Variants in TMEM131 observed in about 807,000 individuals in gnomAD.
TMEM131 encodes the protein transmembrane protein 131.
Under a neutral mutation model 211.6 loss-of-function variants are expected in TMEM131, and 66 were observed. The ratio of observed to expected loss-of-function variants is 0.31; its 90% CI spans 0.26 to 0.38. The LOEUF (loss-of-function observed/expected upper bound fraction) is 0.38, where lower values mean the gene tolerates loss of function less well. Ranked by LOEUF, TMEM131 falls within the 10% of genes least tolerant of loss-of-function variation. TMEM131 has a pLI of 1.00. For synonymous variants in TMEM131, 844 were observed against 841.3 expected (o/e 1.00, Z -0.06); for missense variants, 2,036 against 2,299.3 (o/e 0.89, Z 2.34).
chr2:97,981,100 A>G (rs1430624722), intron 1 of TMEM131, among the ~76,000 whole-genome samples: 1 of 148,860 alleles, frequency 6.7e-6, no homozygotes, highest in African/African-American at 2.5e-5. Flanking sequence ...CTATCCACAC[A>G]CATACACTCT....
chr2:97,946,109 T>C (rs530160076), intron 1 of TMEM131, among the ~76,000 whole-genome samples: 4 of 152,238 alleles, frequency 2.6e-5, no homozygotes, highest in East Asian at 3.9e-4. Context: ...TTATCTTGCA[T>C]TACATCTTGT....
chr2:97,941,602 G>T (rs558633833), intron 1 of TMEM131, among the ~76,000 whole-genome samples: 12 of 152,102 alleles, frequency 7.9e-5, no homozygotes, highest in South Asian at 6.2e-4. Flanking sequence ...ATCCAGAATC[G>T]ACAAAGAACT....
chr2:97,892,244 TTC>T (rs1675406286), intron 3 of TMEM131, among the ~76,000 whole-genome samples: 1 of 152,180 alleles, frequency 6.6e-6, no homozygotes, highest in Non-Finnish European at 1.5e-5. Context: ...GTTGTAAGAG[TTC>T]TCTGTTACGT....
intron 3 of TMEM131, among the ~76,000 whole-genome samples, chr2:97,891,407 A>G (rs1427237775): frequency 6.6e-6 from 1 of 152,206 alleles, no homozygotes; most frequent in Non-Finnish European, 1.5e-5. Flanking sequence ...ATTTCAAAGC[A>G]ACAAAATCTG....
chr2:97,870,840 C>T (rs1674462637), intron 4 of TMEM131, among the ~76,000 whole-genome samples: 1 of 152,188 alleles, frequency 6.6e-6, no homozygotes, highest in African/African-American at 2.4e-5. Flanking sequence ...ATCCTCCTTT[C>T]AAAAACATTT....
chr2:97,961,985 ACCT>A (rs1332832946), intron 1 of TMEM131, among the ~76,000 whole-genome samples: 1 of 152,166 alleles, frequency 6.6e-6, no homozygotes, highest in African/African-American at 2.4e-5. Context: ...ATTGACTCCC[ACCT>A]CCTACCATAT....
rs547045923 is a variant in TMEM131 at position 97,795,425 on chromosome 2, G to A, written c.3201-310C>T. On this transcript the variant is annotated intron_variant, in intron 28 of 40. Coordinates refer to ENST00000186436, the MANE Select transcript of TMEM131 (RefSeq NM_015348.2). ...TTCTTTCTTCTTTATCTAAATCCAT[G>A]CTCTTTTCCCAGGCTACAATCCCAA... is the stretch of plus-strand genomic sequence containing the variant. Among the ~76,000 whole-genome samples, 262 of 152,046 alleles carry A rather than the reference G, an allele frequency of 1.7e-3. 2 individuals are homozygous for A. Among genetic ancestry groups the A allele is most frequent in the African/African-American group, 6.0e-3 (249 of 41,454 alleles).
chr2:97,943,342 C>G (rs931677621), intron 1 of TMEM131, among the ~76,000 whole-genome samples: 1 of 152,144 alleles, frequency 6.6e-6, no homozygotes, highest in Non-Finnish European at 1.5e-5. Context: ...ATACATAAAT[C>G]AGACACGGTC....
In TMEM131 at chr2:97,812,532, G is replaced by C; in HGVS notation, c.1752C>G (p.Ile584Met). The change falls in exon 17 of 41, where the codon ATC (isoleucine) becomes ATG (methionine). Residue 584 changes from isoleucine (I) to methionine (M), a missense_variant. Ile to Met is a conservative substitution (Grantham distance 10). This residue lies in a region of TMEM131 where 1,623 missense variants were observed against 1,805.9 expected (regional missense o/e 0.90). Transcript: ENST00000186436. Reference protein sequence around the residue: ...PIELAIKSWHIIGDGLSIELV... With the variant: ...PIELAIKSWHMIGDGLSIELV... Reference sequence around the variant, plus strand: ...GTTCTATTGATAAACCGTCTCCTATGATATGCCAACTTTTTATAGCCAACT... The same window carrying C: ...GTTCTATTGATAAACCGTCTCCTATCATATGCCAACTTTTTATAGCCAACT... 6.2e-7 allele frequency: 1 copy of C among 1,606,918 alleles called. No individual in the cohort carries two copies. The highest frequency in any genetic ancestry group is 8.5e-7 in the Non-Finnish European group (1 of 1,177,848).
At chr2:97,973,795 G>A (rs1330248276) in intron 1 of TMEM131, among the ~76,000 whole-genome samples, 1 of 152,232 alleles carries the variant, frequency 6.6e-6, no homozygotes, top group African/African-American at 2.4e-5. Flanking sequence ...TACCTCAGCT[G>A]TGGGGAATAA....
At chr2:97,945,576 C>A (rs1055827021) in intron 1 of TMEM131, among the ~76,000 whole-genome samples, 1 of 152,016 alleles carries the variant, frequency 6.6e-6, no homozygotes, top group African/African-American at 2.4e-5. Context: ...AACCAGAGGA[C>A]AAAATGTAAT....
At chr2:97,947,701 A>G (rs1678108514) in intron 1 of TMEM131, among the ~76,000 whole-genome samples, 2 of 152,158 alleles carry the variant, frequency 1.3e-5, no homozygotes, top group South Asian at 4.1e-4. Flanking sequence ...ATGATTCTAA[A>G]AGTTATACAG....
chr2:97,866,614 T>A (rs576083054), intron 4 of TMEM131, among the ~76,000 whole-genome samples: 1 of 152,362 alleles, frequency 6.6e-6, no homozygotes, highest in African/African-American at 2.4e-5. Context: ...AGTTTCTGAT[T>A]TGAGATATTT....
intron 4 of TMEM131, among the ~76,000 whole-genome samples, chr2:97,867,710 C>T (rs774754597): frequency 4.6e-5 from 7 of 152,124 alleles, no homozygotes; most frequent in Non-Finnish European, 8.8e-5. Context: ...CTGAAATGTG[C>T]CTGAAATAGA....
chr2:97,900,841 C>G (rs192005419), intron 3 of TMEM131, among the ~76,000 whole-genome samples: 2 of 152,164 alleles, frequency 1.3e-5, no homozygotes, highest in East Asian at 3.9e-4. Context: ...CAACAGTGAA[C>G]CAGGGTTCCC....
intron 11 of TMEM131, among the ~76,000 whole-genome samples, chr2:97,824,377 G>A (rs1235361980): frequency 6.6e-6 from 1 of 152,220 alleles, no homozygotes; most frequent in Non-Finnish European, 1.5e-5. Flanking sequence ...GGACACTGGT[G>A]CAGCCTTCTC....
In TMEM131 at chr2:97,861,814, GAGA is replaced by G. The variant is rs538724226; in HGVS notation, c.360-2390_360-2388del. Among the ~76,000 whole-genome samples the G allele has an allele frequency of 3.3e-5, 5 of 152,300 alleles. No homozygotes were observed. The South Asian group carries it at 8.3e-4, about 25-fold the overall frequency. On this transcript the variant is annotated intron_variant, in intron 4 of 40. Transcript: ENST00000186436. ...ACCTGGGGGAACTCACTGTCCTGAA[GAGA>G]AGGACACAAACCTGGCTGGCTTCAC...
chr2:97,948,983 T>C (rs1307145283), intron 1 of TMEM131, among the ~76,000 whole-genome samples: 1 of 152,064 alleles, frequency 6.6e-6, no homozygotes, highest in Admixed American at 6.6e-5. Context: ...GTTGAACACA[T>C]AACCCACCAG....
Position 97,888,136 on chromosome 2 carries a change from A to T in TMEM131, c.291-16T>A. ...GAGAGATATACTGTAAATAAAAAGA[A>T]AACAACATAAGAAGCAATTCTTCAA... is the stretch of plus-strand genomic sequence containing the variant. On this transcript the variant is annotated splice_polypyrimidine_tract_variant and intron_variant, in intron 3 of 40. Transcript: ENST00000186436. The T allele has an allele frequency of 6.2e-7, 1 of 1,603,092 alleles. No individual in the cohort carries two copies. The highest frequency in any genetic ancestry group is 8.5e-7 in the Non-Finnish European group (1 of 1,171,754).
Sources: allele counts gnomAD v4.1 joint callset (sites outside exome capture counted in the v4.1 genomes callset), GRCh38; gene constraint gnomAD v4.1.1; regional missense constraint gnomAD v4.1.1; transcripts MANE v1.5; gene names NCBI Gene and HGNC (gene_info 2026-07-23, HGNC 2026-07-21).